GABBR1: variants seen among roughly 807,000 people sequenced by gnomAD.
GABBR1 encodes the protein GABA-B receptor, R1 subunit.
In GABBR1, 35 loss-of-function variants were observed where a neutral mutation model predicts 117.7. That is an observed-to-expected ratio of 0.30 (90% confidence interval 0.23 to 0.39). The LOEUF (loss-of-function observed/expected upper bound fraction) is 0.39. GABBR1 is among the 10% of genes least tolerant of loss of function. The pLI is 1.00. For missense variants in GABBR1, 709 were observed against 1,241.8 expected, an observed-to-expected ratio of 0.57 and a Z score of 6.45; for synonymous variants, 442 against 486.6, an observed-to-expected ratio of 0.91 and a Z score of 1.21.
In GABBR1 at chr6:29,609,733, G is replaced by A. The variant is rs922684305; in HGVS notation, c.1709-354C>T. Among the ~76,000 whole-genome samples, 4 of 151,954 alleles carry A rather than the reference G, an allele frequency of 2.6e-5. No homozygotes were observed. Among genetic ancestry groups the A allele is most frequent in the East Asian group, 1.9e-4 (1 of 5,196 alleles). ...CAAAGGAAAATGGGAGGAGAAAGAA[G>A]GGGATCATTAAAAAATGTTATAAGG... On this transcript the variant is annotated intron_variant, in intron 14 of 22. Coordinates refer to ENST00000377034, the MANE Select transcript of GABBR1 (RefSeq NM_001470.4). This position sits in a 1 kb window ranked among gnomAD's most constrained non-coding sequence, Gnocchi z 4.3.
Position 29,632,533 on chromosome 6 carries a change from G to T in GABBR1, c.1-148C>A. The T allele has an allele frequency of 1.1e-6, 1 of 889,486 alleles. No homozygotes were observed. Among genetic ancestry groups the T allele is most frequent in the Non-Finnish European group, 1.6e-6 (1 of 631,560 alleles). The allele number at this position is 889,486 out of a possible 1,614,324, so 55.1% of individuals were successfully genotyped here. On this transcript the variant is annotated intron_variant, in intron 1 of 22. Coordinates refer to ENST00000377034, the MANE Select transcript of GABBR1 (RefSeq NM_001470.4). The surrounding 1 kb of genome is among the most constrained non-coding windows in gnomAD (Gnocchi z 5.8). Reference sequence around the variant, plus strand: ...AGAGCGCCCCGCGGAGGAGGCGGGGGCGGAGCCCCGCGCGGGGTGGGGGGA... The same window carrying T: ...AGAGCGCCCCGCGGAGGAGGCGGGGTCGGAGCCCCGCGCGGGGTGGGGGGA...
intron 6 of GABBR1, among the ~76,000 whole-genome samples, chr6:29,626,611 C>A (rs1204882335): frequency 6.6e-6 from 1 of 152,062 alleles, no homozygotes; most frequent in Middle Eastern, 3.2e-3. Context: ...ATCCCATTTC[C>A]CTTCTCACAT....
chr6:29,605,839 T>A lies in GABBR1; in HGVS notation c.2312-143A>T. ...TCCAACCCCTCTGACCTAGCAAACC[T>A]CACCCTGTGTCCCCTATCCCTTATG... On this transcript the variant is annotated intron_variant, in intron 19 of 22. Coordinates refer to ENST00000377034, the MANE Select transcript of GABBR1 (RefSeq NM_001470.4). This position sits in a 1 kb window ranked among gnomAD's most constrained non-coding sequence, Gnocchi z 4.2. 1.1e-6 allele frequency: 1 copy of A among 927,766 alleles called. No homozygotes were observed. The highest frequency in any genetic ancestry group is 1.6e-6 in the Non-Finnish European group (1 of 624,652). 57.5% of individuals were successfully genotyped at this position (927,766 alleles called of 1,614,324 possible).
In GABBR1 at chr6:29,627,686, G is replaced by T; in HGVS notation, c.497-40C>A. The stretch of plus-strand genomic sequence containing the variant: ...GGGGGGACCCGCGAGTGAGGCCGCG[G>T]GAGATGGGGGGAGTGGGAGGCCCAC... On this transcript the variant is annotated intron_variant, in intron 5 of 22. Coordinates refer to ENST00000377034, the MANE Select transcript of GABBR1 (RefSeq NM_001470.4). This position sits in a 1 kb window ranked among gnomAD's most constrained non-coding sequence, Gnocchi z 4.4. 6.5e-7 allele frequency: 1 copy of T among 1,533,666 alleles called. No individual in the cohort carries two copies. Among genetic ancestry groups the T allele is most frequent in the Non-Finnish European group, 8.7e-7 (1 of 1,145,134 alleles).
At position 29,630,513 on chromosome 6, in the gene GABBR1, G is replaced by A. The variant is rs1273398255; in HGVS notation, c.420C>T (p.Ser140=). The A allele has an allele frequency of 1.6e-5, 26 of 1,612,980 alleles. No homozygotes were observed. The highest frequency in any genetic ancestry group is 2.1e-5 in the Non-Finnish European group (25 of 1,180,040). ...GGCCCTGACTACAGATGCTCCGGGAGCTGCCCACCAGATGGAAGTCGGGGT... is the reference window on the plus strand; with the variant it reads ...GGCCCTGACTACAGATGCTCCGGGAACTGCCCACCAGATGGAAGTCGGGGT... The part of the protein sequence containing the change: ...RCDPDFHLVG[S]SRSICSQGQW... The change falls in exon 4 of 23, where the codon AGC becomes AGT. Residue 140 remains serine, a synonymous_variant. Coordinates refer to ENST00000377034, the MANE Select transcript of GABBR1 (RefSeq NM_001470.4). The surrounding 1 kb of genome is among the most constrained non-coding windows in gnomAD (Gnocchi z 4.9).
chr6:29,604,673 A>G lies in GABBR1; in HGVS notation c.2569-36T>C. ...ATGTTTGGGCGTGGGGTGGCCCAGC[A>G]AGGACTGTACTAGTGACTGGCTGAT... On this transcript the variant is annotated intron_variant, in intron 21 of 22. Transcript: ENST00000377034. The surrounding 1 kb of genome is among the most constrained non-coding windows in gnomAD (Gnocchi z 5.3). The G allele has an allele frequency of 6.2e-7, 1 of 1,613,028 alleles. No individual in the cohort carries two copies. The highest frequency in any genetic ancestry group is 8.5e-7 in the Non-Finnish European group (1 of 1,179,982).
rs978326608 is a variant in GABBR1 at position 29,609,952 on chromosome 6, T to G, written c.1709-573A>C. Among the ~76,000 whole-genome samples the G allele has an allele frequency of 1.5e-4, 22 of 151,322 alleles. No homozygotes were observed. Among genetic ancestry groups the G allele is most frequent in the Non-Finnish European group, 7.4e-5 (5 of 67,900 alleles). ...AGTTATTATTAGGGGGAAGTTCAAA[T>G]TTGTCAGAGTTCACCAAAAAAAACT... On this transcript the variant is annotated intron_variant, in intron 14 of 22. Transcript: ENST00000377034. The surrounding 1 kb of genome is among the most constrained non-coding windows in gnomAD (Gnocchi z 4.3).
intron 22 of GABBR1, among the ~76,000 whole-genome samples, chr6:29,603,927 A>T (rs540320147): frequency 1.3e-5 from 2 of 152,298 alleles, no homozygotes; most frequent in East Asian, 3.9e-4. Flanking sequence ...GATAGAAAAA[A>T]TGCGATCAGG....
Position 29,632,577 on chromosome 6 carries a change from G to T in GABBR1, c.1-192C>A. The T allele has an allele frequency of 2.0e-6, 2 of 993,500 alleles. No individual in the cohort carries two copies. Among genetic ancestry groups the T allele is most frequent in the Non-Finnish European group, 2.8e-6 (2 of 710,418 alleles). 61.5% of individuals were successfully genotyped at this position (993,500 alleles called of 1,614,324 possible). A position where few individuals can be genotyped will look rare whatever the true frequency, so the allele number is the denominator to read the frequency against. On this transcript the variant is annotated intron_variant, in intron 1 of 22. Coordinates refer to ENST00000377034, the MANE Select transcript of GABBR1 (RefSeq NM_001470.4). This position sits in a 1 kb window ranked among gnomAD's most constrained non-coding sequence, Gnocchi z 5.8. ...GGGGGGAGAGGAGGAGAGAAAGCCT[G>T]TCCCCACCCTCCTCCTGCCTCCCTC...
Position 29,632,558 on chromosome 6 carries a change from A to G in GABBR1, c.1-173T>C, listed in dbSNP as rs1490651267. ...GCGGAGCCCCGCGCGGGGTGGGGGG[A>G]GAGGAGGAGAGAAAGCCTGTCCCCA... is the stretch of plus-strand genomic sequence containing the variant. On this transcript the variant is annotated intron_variant, in intron 1 of 22. Coordinates refer to ENST00000377034, the MANE Select transcript of GABBR1 (RefSeq NM_001470.4). The surrounding 1 kb of genome is among the most constrained non-coding windows in gnomAD (Gnocchi z 5.8). 2.3e-6 allele frequency: 2 copies of G among 855,150 alleles called. No homozygotes were observed. Among genetic ancestry groups the G allele is most frequent in the Non-Finnish European group, 3.3e-6 (2 of 601,478 alleles). The allele number at this position is 855,150 out of a possible 1,614,324, so 53.0% of individuals were successfully genotyped here. A position where few individuals can be genotyped will look rare whatever the true frequency, so the allele number is the denominator to read the frequency against.
Position 29,613,615 on chromosome 6 carries a change from C to G in GABBR1, c.1324-130G>C, listed in dbSNP as rs1762777729. 8.7e-7 allele frequency: 1 copy of G among 1,154,726 alleles called. No homozygotes were observed. Among genetic ancestry groups the G allele is most frequent in the Non-Finnish European group, 1.2e-6 (1 of 815,750 alleles). 71.5% of individuals were successfully genotyped at this position (1,154,726 alleles called of 1,614,324 possible). A position where few individuals can be genotyped will look rare whatever the true frequency, so the allele number is the denominator to read the frequency against. On this transcript the variant is annotated intron_variant, in intron 11 of 22. Transcript: ENST00000377034. This position sits in a 1 kb window ranked among gnomAD's most constrained non-coding sequence, Gnocchi z 4.1. ...TGTGTTACTGTTGTCAGATTGGACA[C>G]ATGTACATTCAAAATCTTTAACTAT...
chr6:29,604,757 T>A lies in GABBR1; in HGVS notation c.2568+103A>T. On this transcript the variant is annotated intron_variant, in intron 21 of 22. Coordinates refer to ENST00000377034, the MANE Select transcript of GABBR1 (RefSeq NM_001470.4). The surrounding 1 kb of genome is among the most constrained non-coding windows in gnomAD (Gnocchi z 5.3). The stretch of plus-strand genomic sequence containing the variant: ...GTTGGGCCCAAAACAAGGGGAGGAG[T>A]GAGAGGAGGGTGAACGGAAGGGCAG... 1.9e-6 allele frequency: 3 copies of A among 1,576,238 alleles called. No individual in the cohort carries two copies. Among genetic ancestry groups the A allele is most frequent in the Non-Finnish European group, 1.7e-6 (2 of 1,157,046 alleles).
chr6:29,617,005 A>G (rs1200492660), intron 11 of GABBR1, among the ~76,000 whole-genome samples: 1 of 148,920 alleles, frequency 6.7e-6, no homozygotes, highest in Non-Finnish European at 1.5e-5. Flanking sequence ...AAAAAAAAAA[A>G]AAGTCTGTTG....
rs1320738652 is a variant in GABBR1, at chr6:29,604,585, A to G, written c.2621T>C (p.Met874Thr). ...GTTGTTGGTCGATGACCCTGTCTTC[A>G]TGGTGTCCTGCGCCTCCGACTGCCA... Reference protein sequence around the residue: ...GEWQSEAQDTMKTGSSTNNNE... With the variant: ...GEWQSEAQDTTKTGSSTNNNE... The change falls in exon 22 of 23, where the codon ATG becomes ACG. Residue 874 changes from methionine to threonine, a missense_variant. Coordinates refer to ENST00000377034, the MANE Select transcript of GABBR1 (RefSeq NM_001470.4). This position sits in a 1 kb window ranked among gnomAD's most constrained non-coding sequence, Gnocchi z 5.3. The G allele has an allele frequency of 1.2e-6, 2 of 1,613,156 alleles. No individual in the cohort carries two copies. The highest frequency in any genetic ancestry group is 2.7e-5 in the African/African-American group (2 of 74,978).
At chr6:29,619,184 G>A (rs1763492621) in intron 11 of GABBR1, among the ~76,000 whole-genome samples, 1 of 152,190 alleles carries the variant, frequency 6.6e-6, no homozygotes, top group Non-Finnish European at 1.5e-5. Flanking sequence ...CTAAACATAA[G>A]GCCATCCTTA....
chr6:29,603,615 C>A lies in GABBR1; in HGVS notation c.2814G>T (p.Leu938=), dbSNP rs758951679. The stretch of plus-strand genomic sequence containing the variant: ...CGGGGGGCTCAGGGGGTCCCCTGGG[C>A]AGGCCCCCAGAGGGTTCTGGGGGTG... The part of the protein sequence containing the change: ...PPTPPEPSGG[L]PRGPPEPPDR... Residue 938 remains leucine, a synonymous_variant, in exon 23 of 23, where the codon CTG becomes CTT. Transcript: ENST00000377034. 6.4e-7 allele frequency: 1 copy of A among 1,569,246 alleles called. No individual in the cohort carries two copies. The highest frequency in any genetic ancestry group is 2.2e-5 in the East Asian group (1 of 44,504).
At position 29,622,938 on chromosome 6, in the gene GABBR1, C is replaced by T. The variant is rs3828923; in HGVS notation, c.963+367G>A. On this transcript the variant is annotated intron_variant, in intron 8 of 22. Transcript: ENST00000377034. The surrounding 1 kb of genome is among the most constrained non-coding windows in gnomAD (Gnocchi z 4.6). ...TGTTCCCATTCACACCCACCCACCA[C>T]CCCCCTTGAAAGCCTCTGGAATCTG... Among the ~76,000 whole-genome samples the T allele has an allele frequency of 0.044, 6,695 of 151,772 alleles. 216 individuals carry two copies. The highest frequency in any genetic ancestry group is 0.12 in the South Asian group (591 of 4,784).
Position 29,605,208 on chromosome 6 carries a change from G to T in GABBR1, c.2440-220C>A. 1.7e-6 allele frequency: 1 copy of T among 587,056 alleles called. No individual in the cohort carries two copies. The highest frequency in any genetic ancestry group is 2.9e-6 in the Non-Finnish European group (1 of 342,358). The allele number at this position is 587,056 out of a possible 1,614,324, so 36.4% of individuals were successfully genotyped here. Reference sequence around the variant, plus strand: ...TGGTTAACCCCTCCCCTCAAGGCAGGAACTCCCAGGATCTCTATGCACAGA... The same window carrying T: ...TGGTTAACCCCTCCCCTCAAGGCAGTAACTCCCAGGATCTCTATGCACAGA... On this transcript the variant is annotated intron_variant, in intron 20 of 22. Coordinates refer to ENST00000377034, the MANE Select transcript of GABBR1 (RefSeq NM_001470.4). The surrounding 1 kb of genome is among the most constrained non-coding windows in gnomAD (Gnocchi z 4.2).
chr6:29,616,135 A>G (rs1763073354), intron 11 of GABBR1, among the ~76,000 whole-genome samples: 1 of 151,946 alleles, frequency 6.6e-6, no homozygotes, highest in Non-Finnish European at 1.5e-5. Flanking sequence ...TGGGAGGCGG[A>G]GGTTGCTGTG....
Sources: allele counts gnomAD v4.1 joint callset (sites outside exome capture counted in the v4.1 genomes callset), GRCh38; gene constraint gnomAD v4.1.1; non-coding constraint Gnocchi (gnomAD v3.1); transcripts MANE v1.5; gene names NCBI Gene and HGNC (gene_info 2026-07-23, HGNC 2026-07-21).